The following AUTS2 variants were observed in gnomAD, a reference collection of about 807,000 sequenced individuals.
AUTS2 encodes the protein autism susceptibility gene 2 protein.
In AUTS2, 17 loss-of-function variants were observed where a neutral mutation model predicts 112.4. The ratio of observed to expected loss-of-function variants is 0.15; its 90% CI spans 0.10 to 0.23. The LOEUF is 0.23. AUTS2 is among the 10% of genes least tolerant of loss of function. AUTS2 has a pLI of 1.00. For missense variants in AUTS2, 1,510 were observed against 1,701.6 expected, an observed-to-expected ratio of 0.89 and a Z score of 1.98; for synonymous variants, 751 against 702.7, an observed-to-expected ratio of 1.07 and a Z score of -1.09.
intron 1 of AUTS2, among the ~76,000 whole-genome samples, chr7:69,705,549 G>A (rs907071938): frequency 6.6e-5 from 10 of 152,186 alleles, no homozygotes; most frequent in African/African-American, 2.4e-4. Flanking sequence ...ATATCAAATA[G>A]CACCTAGGGA....
At chr7:69,698,029 T>C (rs547980811) in intron 1 of AUTS2, among the ~76,000 whole-genome samples, 1 of 152,320 alleles carries the variant, frequency 6.6e-6, no homozygotes, top group South Asian at 2.1e-4. Flanking sequence ...GATGTTACTT[T>C]TAGAAACTCC....
chr7:69,950,916 C>T (rs927923126), intron 2 of AUTS2, among the ~76,000 whole-genome samples: 11 of 152,050 alleles, frequency 7.2e-5, no homozygotes, highest in African/African-American at 2.4e-4. Context: ...GAGCAGATCG[C>T]TTGAGCCCAG....
At chr7:70,589,815 G>A (rs1179591694) in intron 5 of AUTS2, among the ~76,000 whole-genome samples, 1 of 152,190 alleles carries the variant, frequency 6.6e-6, no homozygotes, top group Non-Finnish European at 1.5e-5. Context: ...GCTCCAGGGG[G>A]ACTCTGGGGG....
chr7:70,241,317 T>C (rs1324136285), intron 4 of AUTS2, among the ~76,000 whole-genome samples: 1 of 152,196 alleles, frequency 6.6e-6, no homozygotes, highest in African/African-American at 2.4e-5. Context: ...TTAAGGAAAT[T>C]CATTGCCTTA....
chr7:70,670,899 C>G (rs570564248), intron 5 of AUTS2, among the ~76,000 whole-genome samples: 1 of 152,146 alleles, frequency 6.6e-6, no homozygotes, highest in Non-Finnish European at 1.5e-5. Context: ...AGGCGGGGTG[C>G]GGTGGCTCAC....
intron 1 of AUTS2, among the ~76,000 whole-genome samples, chr7:69,746,806 A>T (rs1234992930): frequency 6.6e-6 from 1 of 152,082 alleles, no homozygotes; most frequent in East Asian, 1.9e-4. Context: ...GGGCTGTATT[A>T]GGTAAGAAGA....
intron 1 of AUTS2, among the ~76,000 whole-genome samples, chr7:69,724,838 G>A (rs1459110439): frequency 6.6e-6 from 1 of 152,092 alleles, no homozygotes; most frequent in Non-Finnish European, 1.5e-5. Context: ...AACTTTTTGG[G>A]GATCCATGTC....
At chr7:70,125,733 G>T (rs1025600280) in intron 3 of AUTS2, among the ~76,000 whole-genome samples, 3 of 152,166 alleles carry the variant, frequency 2.0e-5, no homozygotes, top group African/African-American at 7.2e-5. Context: ...TCTCCAGGCA[G>T]TAAGGTGGGA....
intron 2 of AUTS2, among the ~76,000 whole-genome samples, chr7:69,903,583 A>G (rs1413296852): frequency 6.6e-6 from 1 of 152,178 alleles, no homozygotes; most frequent in Non-Finnish European, 1.5e-5. Flanking sequence ...GCTAGAAGGC[A>G]TTTTTAGGTT....
chr7:69,897,691 A>C (rs1794808911), intron 1 of AUTS2, among the ~76,000 whole-genome samples: 1 of 151,918 alleles, frequency 6.6e-6, no homozygotes, highest in African/African-American at 2.4e-5. Context: ...GGGGAGGCGG[A>C]GGTTACAGTG....
At chr7:70,764,713 TTTTA>T (rs1400370020) in intron 7 of AUTS2, 35 bp from the exon 8 acceptor site, 1 of 717,840 alleles carries the variant, frequency 1.4e-6, no homozygotes. Context: ...GCTTACCTTT[TTTTA>T]TTTTTTTCTT....
chr7:70,091,721 C>A (rs1803931457), intron 2 of AUTS2, among the ~76,000 whole-genome samples: 1 of 152,132 alleles, frequency 6.6e-6, no homozygotes, highest in African/African-American at 2.4e-5. Context: ...GAAATGGTGG[C>A]CCTTCTGGGT....
chr7:70,331,604 T>G (rs1790754194), intron 4 of AUTS2, among the ~76,000 whole-genome samples: 1 of 151,454 alleles, frequency 6.6e-6, no homozygotes, highest in South Asian at 2.1e-4. Flanking sequence ...CAGCAGCACA[T>G]AAAAAGCTTA....
At chr7:70,070,225 C>T (rs1215515538) in intron 2 of AUTS2, among the ~76,000 whole-genome samples, 2 of 151,960 alleles carry the variant, frequency 1.3e-5, no homozygotes, top group African/African-American at 4.8e-5. Flanking sequence ...CCTGGTGGCA[C>T]TCTGGGGATA....
intron 4 of AUTS2, among the ~76,000 whole-genome samples, chr7:70,366,331 T>A (rs1331196479): frequency 6.6e-6 from 1 of 152,092 alleles, no homozygotes. Context: ...CTAAAGCGGC[T>A]CTGCATTTAG....
chr7:69,809,413 A>G (rs778727270), intron 1 of AUTS2, among the ~76,000 whole-genome samples: 1 of 152,116 alleles, frequency 6.6e-6, no homozygotes, highest in Non-Finnish European at 1.5e-5. Flanking sequence ...TCCCATTCAC[A>G]TTAGCTCTTA....
chr7:70,270,237 G>T (rs924615729), intron 4 of AUTS2, among the ~76,000 whole-genome samples: 1 of 152,070 alleles, frequency 6.6e-6, no homozygotes, highest in African/African-American at 2.4e-5. Context: ...TGATGCCAAG[G>T]AAAAATGAAT....
At chr7:70,218,246 G>A (rs1811278456) in intron 4 of AUTS2, among the ~76,000 whole-genome samples, 1 of 152,232 alleles carries the variant, frequency 6.6e-6, no homozygotes, top group South Asian at 2.1e-4. Context: ...ATGCTACATC[G>A]TTTCTGACTT....
rs571248800 is a variant in AUTS2, at chr7:70,390,167, A to T, written c.661-45585A>T. On this transcript the variant is annotated intron_variant, in intron 4 of 18. Transcript: ENST00000342771. ...GAAGAAGAGAATATTTCCTTGAATT[A>T]CGCATTGATAGAAGTACCAATAGCT... 3.9e-5 allele frequency among the ~76,000 whole-genome samples: 6 copies of T among 152,344 alleles called. No homozygotes were observed. The South Asian group carries it at 1.2e-3, about 32-fold the overall frequency.
Sources: allele counts gnomAD v4.1 joint callset (sites outside exome capture counted in the v4.1 genomes callset), GRCh38; gene constraint gnomAD v4.1.1; transcripts MANE v1.5; gene names NCBI Gene and HGNC (gene_info 2026-07-23, HGNC 2026-07-21).